ART3: variants seen among roughly 807,000 people sequenced by gnomAD.
ART3 encodes ecto-ADP-ribosyltransferase 3.
Under a neutral mutation model 48.5 loss-of-function variants are expected in ART3, and 49 were observed. The observed-to-expected ratio is 1.01, with a 90% CI of 0.80 to 1.28. The LOEUF (loss-of-function observed/expected upper bound fraction) is 1.28, where lower values mean the gene tolerates loss of function less well. ART3 is among the 50% of genes most tolerant of loss of function. The pLI, the probability that ART3 is intolerant of heterozygous loss-of-function variation, is 0.00. For missense variants in ART3, 438 were observed against 454.3 expected (o/e 0.96, Z 0.33); for synonymous variants, 145 against 157.2 (o/e 0.92, Z 0.58).
chr4:76,022,010 G>T, intron 1 of ART3: 2 of 1,457,948 alleles, frequency 1.4e-6, no homozygotes, highest in Non-Finnish European at 1.9e-6. Flanking sequence ...AGATTGGGTT[G>T]TGTTTGGAAA....
intron 2 of ART3, 53 bp from the exon 3 acceptor site, chr4:76,081,771 G>A (rs773062860): frequency 1.8e-5 from 28 of 1,528,088 alleles, no homozygotes; most frequent in Non-Finnish European, 2.2e-5. Context: ...GAGAGAAAAT[G>A]ATATTCACTG....
intron 1 of ART3, among the ~76,000 whole-genome samples, chr4:76,068,179 T>C (rs1318501442): frequency 2.6e-5 from 4 of 152,212 alleles, no homozygotes; most frequent in African/African-American, 9.6e-5. Context: ...GTATGACTTA[T>C]GTAAATAAAA....
At chr4:76,039,312 C>T (rs1245382628) in intron 1 of ART3, among the ~76,000 whole-genome samples, 4 of 152,140 alleles carry the variant, frequency 2.6e-5, no homozygotes, top group African/African-American at 9.7e-5. Context: ...GTTGGCCAGG[C>T]TGGTCTCAGA....
chr4:76,095,154 G>T lies in ART3; in HGVS notation c.782-2490G>T, dbSNP rs531545367. ...CTGCTATTGAAAATGCTAAACAGAA[G>T]ATTAAATCCAGAGTTTAAATAGGGA... On this transcript the variant is annotated intron_variant, in intron 3 of 11. Coordinates refer to ENST00000355810, the MANE Select transcript of ART3 (RefSeq NM_001130016.3). Among the ~76,000 whole-genome samples the T allele has an allele frequency of 2.0e-5, 3 of 152,284 alleles. No homozygotes were observed. The East Asian group carries it at 5.8e-4, about 29-fold the overall frequency.
rs370801158 is a variant in ART3 at position 76,049,920 on chromosome 4, C to T, written c.-9-25961C>T. ...GTTCCTTCTGATGTTTGGATGTGTT[C>T]GGAGTTTGTTCCTTCTGGTGGGTTC... On this transcript the variant is annotated intron_variant, in intron 1 of 9. Transcript: ENST00000341029. 1.4e-4 allele frequency among the ~76,000 whole-genome samples: 21 copies of T among 151,324 alleles called. 1 individual carries two copies. The East Asian group carries it at 1.6e-3, about 11-fold the overall frequency.
chr4:76,012,203 C>T (rs1350800841), intron 1 of ART3: 1 of 152,174 alleles, frequency 6.6e-6, no homozygotes, highest in African/African-American at 2.4e-5. Context: ...TCGAGGTGTT[C>T]TGTTTAATTA....
intron 11 of ART3, among the ~76,000 whole-genome samples, chr4:76,111,151 T>C (rs1218538910): frequency 6.6e-6 from 1 of 152,202 alleles, no homozygotes; most frequent in Non-Finnish European, 1.5e-5. Flanking sequence ...TAAAACACCA[T>C]GTGTTGCTAA....
chr4:76,045,360 G>C (rs1735401382), intron 1 of ART3, among the ~76,000 whole-genome samples: 1 of 152,012 alleles, frequency 6.6e-6, no homozygotes, highest in Non-Finnish European at 1.5e-5. Context: ...GTAGTGCCTG[G>C]CATCTAAGAG....
chr4:76,021,941 T>C lies in ART3; in HGVS notation c.-10+10621T>C, dbSNP rs1289492369. ...GCTCCCCTCTGGTTTTAAGGAGATCTTTTAGACCTGTAAGAAGAGAAAGGG... is the reference window on the plus strand; with the variant it reads ...GCTCCCCTCTGGTTTTAAGGAGATCCTTTAGACCTGTAAGAAGAGAAAGGG... On this transcript the variant is annotated intron_variant, in intron 1 of 9. Coordinates refer to the ART3 transcript ENST00000341029. 1.2e-6 allele frequency: 2 copies of C among 1,611,374 alleles called. 1 individual carries two copies. Among genetic ancestry groups the C allele is most frequent in the South Asian group, 2.2e-5 (2 of 91,032 alleles).
chr4:76,045,473 C>T (rs1735413499), intron 1 of ART3, among the ~76,000 whole-genome samples: 1 of 151,948 alleles, frequency 6.6e-6, no homozygotes, highest in Admixed American at 6.6e-5. Flanking sequence ...TTTTGATAGC[C>T]TCTGACGCTA....
intron 1 of ART3, among the ~76,000 whole-genome samples, chr4:76,038,224 C>CTGT (rs1462330345): frequency 2.6e-5 from 4 of 152,174 alleles, no homozygotes; most frequent in African/African-American, 9.7e-5. Context: ...AGAGACTACA[C>CTGT]AGTCACTTAA....
intron 1 of ART3, among the ~76,000 whole-genome samples, chr4:76,026,045 C>T (rs1733352664): frequency 6.6e-6 from 1 of 151,964 alleles, no homozygotes; most frequent in Admixed American, 6.6e-5. Flanking sequence ...ACTAAATCCT[C>T]TATGATCTGG....
In ART3 at chr4:76,082,406, G is replaced by GA. The variant is rs1560626311; in HGVS notation, c.655dup (p.Ser219LysfsTer2). On this transcript the variant is annotated frameshift_variant, in exon 3 of 12. Coordinates refer to ENST00000355810, the MANE Select transcript of ART3 (RefSeq NM_001130016.3). LOFTEE classifies it high-confidence loss of function. ...TGACATTGAAAATTTTCTTGATAAA[G>GA]AAAGTGAAAGAATTACTTTAATACC... is the stretch of plus-strand genomic sequence containing the variant. The GA allele has an allele frequency of 6.2e-7, 1 of 1,614,062 alleles. No homozygotes were observed. The highest frequency in any genetic ancestry group is 8.5e-7 in the Non-Finnish European group (1 of 1,180,018).
Position 76,111,730 on chromosome 4 carries a change from C to T in ART3, c.1037-656C>T, listed in dbSNP as rs28592918. On this transcript the variant is annotated intron_variant, in intron 11 of 11. Coordinates refer to ENST00000355810, the MANE Select transcript of ART3 (RefSeq NM_001130016.3). The stretch of plus-strand genomic sequence containing the variant: ...GCTAATTCTGTATATTTAGTAGAGA[C>T]GGGGTTTTGCCGTGTTAGCCAGGAT... 2.2e-3 allele frequency among the ~76,000 whole-genome samples: 336 copies of T among 151,806 alleles called. 4 individuals carry two copies. Among genetic ancestry groups the T allele is most frequent in the Non-Finnish European group, 3.5e-3 (237 of 67,928 alleles).
chr4:76,075,511 A>G lies in ART3; in HGVS notation c.-9-370A>G, dbSNP rs79803013. On this transcript the variant is annotated intron_variant, in intron 1 of 11. Transcript: ENST00000355810. ...GACCAATTTGAGACTGCTGTTTTTT[A>G]GTCTGATTGTGTTATTTCCTGTGCA... 2.7e-3 allele frequency among the ~76,000 whole-genome samples: 412 copies of G among 152,270 alleles called. 1 individual carries two copies. Among genetic ancestry groups the G allele is most frequent in the African/African-American group, 9.4e-3 (390 of 41,564 alleles).
intron 3 of ART3, among the ~76,000 whole-genome samples, chr4:76,084,823 T>C (rs1027109749): frequency 1.3e-5 from 2 of 152,198 alleles, no homozygotes; most frequent in Admixed American, 1.3e-4. Context: ...TATAAATACT[T>C]GAGGAGAAGC....
chr4:76,101,015 C>A lies in ART3; in HGVS notation c.933C>A (p.Asp311Glu), dbSNP rs755712876. 2 of 1,613,608 alleles carry A rather than the reference C, an allele frequency of 1.2e-6. No homozygotes were observed. The highest frequency in any genetic ancestry group is 1.7e-6 in the Non-Finnish European group (2 of 1,179,964). The part of the protein sequence containing the change: ...DHGEKNQKLE[D>E]HGVKILEPTQ... Reference sequence around the variant, plus strand: ...GTGAGAAAAACCAGAAGCTTGAAGACCATGGTAAGACATTTATGTAAATTC... The same window carrying A: ...GTGAGAAAAACCAGAAGCTTGAAGAACATGGTAAGACATTTATGTAAATTC... The change falls in exon 8 of 12, where the codon GAC (aspartate) becomes GAA (glutamate). Residue 311 changes from aspartate (D) to glutamate (E), a missense_variant. Physicochemically the swap from Asp to Glu is conservative, Grantham distance 45. Around this residue, in one of 3 missense-constraint regions of ART3, gnomAD observed 227 missense variants for 229.6 expected, o/e 0.99. Transcript: ENST00000355810.
At chr4:76,013,440 C>T (rs1341240538) in intron 1 of ART3, among the ~76,000 whole-genome samples, 3 of 152,178 alleles carry the variant, frequency 2.0e-5, no homozygotes, top group Non-Finnish European at 4.4e-5. Context: ...TATATACACA[C>T]ACACACACAC....
At chr4:76,101,455 GTTTTTGTTTTA>G (rs1320745725) in intron 8 of ART3, among the ~76,000 whole-genome samples, 2 of 152,126 alleles carry the variant, frequency 1.3e-5, no homozygotes, top group Admixed American at 6.6e-5. Flanking sequence ...TCAAGTATTT[GTTTTTGTTTTA>G]TTTTTAATAT....
Sources: allele counts gnomAD v4.1 joint callset (sites outside exome capture counted in the v4.1 genomes callset), GRCh38; gene constraint gnomAD v4.1.1; regional missense constraint gnomAD v4.1.1; transcripts MANE v1.5; gene names NCBI Gene and HGNC (gene_info 2026-07-23, HGNC 2026-07-21).